Variants in TP63 observed in about 807,000 individuals in gnomAD.
TP63 encodes the protein tumor protein p63, also known as tumor protein 63.
In TP63, 17 loss-of-function variants were observed where a neutral mutation model predicts 82.8. The ratio of observed to expected loss-of-function variants is 0.21; its 90% CI spans 0.14 to 0.31. TP63 has a LOEUF of 0.31. TP63 is among the 10% of genes least tolerant of loss of function. TP63 has a pLI of 1.00. For synonymous variants in TP63, 330 were observed against 321.7 expected, an observed-to-expected ratio of 1.03 and a Z score of -0.28; for missense variants, 648 against 895.3, an observed-to-expected ratio of 0.72 and a Z score of 3.52.
chr3:189,840,359 C>CTTTTTTTTTTTTTTTTTTTTTTTTTT lies in TP63; in HGVS notation c.580-23870_580-23845dup. 1.6e-4 allele frequency among the ~76,000 whole-genome samples: 7 copies of CTTTTTTTTTTTTTTTTTTTTTTTTTT among 44,446 alleles called. 1 individual carries two copies. Among genetic ancestry groups the CTTTTTTTTTTTTTTTTTTTTTTTTTT allele is most frequent in the African/African-American group, 3.2e-4 (3 of 9,334 alleles). 29.2% of individuals were successfully genotyped at this position (44,446 alleles called of 152,430 possible). On this transcript the variant is annotated intron_variant, in intron 4 of 13. Transcript: ENST00000264731. ...GAGTTTTTTCTTTTTTGCTTTTCGT[C>CTTTTTTTTTTTTTTTTTTTTTTTTTT]TTTTTTTTTTTTTTTTTTTTTTTTT...
chr3:189,730,248 A>T (rs1269790736), intron 1 of TP63, among the ~76,000 whole-genome samples: 1 of 152,070 alleles, frequency 6.6e-6, no homozygotes, highest in African/African-American at 2.4e-5. Context: ...CTTTTCTTAT[A>T]TTACCTTTGA....
At chr3:189,861,523 G>A (rs1483304931) in intron 4 of TP63, among the ~76,000 whole-genome samples, 2 of 152,156 alleles carry the variant, frequency 1.3e-5, no homozygotes, top group African/African-American at 4.8e-5. Context: ...TAAAGAGCAA[G>A]ACTGTATCCT....
chr3:189,858,902 A>T (rs1716649837), intron 4 of TP63, among the ~76,000 whole-genome samples: 1 of 152,174 alleles, frequency 6.6e-6, no homozygotes, highest in Admixed American at 6.5e-5. Context: ...ACTCAAATGG[A>T]ATCTAAAAAT....
the TP63 span, among the ~76,000 whole-genome samples, chr3:189,598,006 T>C: frequency 2.6e-5 from 4 of 151,952 alleles, no homozygotes; most frequent in African/African-American, 9.7e-5. Context: ...GACTTAAAAT[T>C]TACAAAAAGT....
intron 1 of TP63, among the ~76,000 whole-genome samples, chr3:189,712,719 C>G (rs58677043): frequency 0.036 from 5,529 of 151,950 alleles, 319 homozygotes; most frequent in African/African-American, 0.12. Flanking sequence ...CAGATCACAG[C>G]AATAAGAAGA....
At chr3:189,838,713 G>A (rs969012931) in intron 4 of TP63, among the ~76,000 whole-genome samples, 11 of 152,088 alleles carry the variant, frequency 7.2e-5, no homozygotes, top group African/African-American at 2.7e-4. Context: ...AAAAAGGAGA[G>A]GAGAGCAAAA....
At chr3:189,862,618 G>A (rs1717179636) in intron 4 of TP63, among the ~76,000 whole-genome samples, 1 of 152,110 alleles carries the variant, frequency 6.6e-6, no homozygotes, top group Non-Finnish European at 1.5e-5. Context: ...CGAAATTCAT[G>A]GTTAGATTAT....
At chr3:189,869,204 G>A (rs1010226377) in intron 8 of TP63, 120 bp from the exon 9 acceptor site, 55 of 814,618 alleles carry the variant, frequency 6.8e-5, no homozygotes, top group Non-Finnish European at 1.0e-4. Flanking sequence ...TGGTACTACT[G>A]TCTTTTTAAT....
chr3:189,896,452 T>C lies in TP63; in HGVS notation c.*1950T>C, dbSNP rs1190011848. ...GAGGGAAGGGAAAGTTTTTTTTTAT[T>C]ATTTTTTTAAAATTTTGTATGTTAA... On this transcript the variant is annotated 3_prime_UTR_variant, in exon 14 of 14. Transcript: ENST00000264731. 5.0e-6 allele frequency: 1 copy of C among 199,630 alleles called. No homozygotes were observed. The highest frequency in any genetic ancestry group is 2.3e-5 in the African/African-American group (1 of 43,428). 12.4% of individuals were successfully genotyped at this position (199,630 alleles called of 1,614,324 possible). A position where few individuals can be genotyped will look rare whatever the true frequency, so the allele number is the denominator to read the frequency against.
At chr3:189,891,167 C>G (rs184426944) in intron 13 of TP63, among the ~76,000 whole-genome samples, 2 of 152,236 alleles carry the variant, frequency 1.3e-5, no homozygotes, top group African/African-American at 4.8e-5. Flanking sequence ...TTCCCGCAAT[C>G]AAAACATTCA....
intron 1 of TP63, among the ~76,000 whole-genome samples, chr3:189,654,744 GT>G (rs1445852396): frequency 3.9e-5 from 6 of 152,186 alleles, no homozygotes; most frequent in African/African-American, 1.4e-4. Flanking sequence ...GAATGACCCA[GT>G]TATGTAGAAA....
rs192900995 is a variant in TP63 at position 189,825,352 on chromosome 3, A to G, written c.579+16826A>G. Among the ~76,000 whole-genome samples, 136 of 152,364 alleles carry G rather than the reference A, an allele frequency of 8.9e-4. 1 individual carries two copies. Among genetic ancestry groups the G allele is most frequent in the African/African-American group, 3.0e-3 (124 of 41,584 alleles). On this transcript the variant is annotated intron_variant, in intron 4 of 13. Transcript: ENST00000264731. ...CAATATTGAGCTAAGTGATATAAAA[A>G]TGGTTATCAATATGAAGTAGATAGA... is the stretch of plus-strand genomic sequence containing the variant.
rs1012088740 is a variant in TP63, at chr3:189,860,337, A to G, written c.580-3895A>G. On this transcript the variant is annotated intron_variant, in intron 4 of 13. Coordinates refer to ENST00000264731, the MANE Select transcript of TP63 (RefSeq NM_003722.5). ...AAATCTTGCTGTAAATCAGATTCCC[A>G]TGTTCCAATCTTGCAGAAGCCGGGA... Among the ~76,000 whole-genome samples, 4 of 152,202 alleles carry G rather than the reference A, an allele frequency of 2.6e-5. No individual in the cohort carries two copies. The South Asian group carries it at 6.2e-4, about 24-fold the overall frequency.
intron 3 of TP63, among the ~76,000 whole-genome samples, chr3:189,755,808 A>G (rs571642150): frequency 1.3e-5 from 2 of 152,326 alleles, no homozygotes; most frequent in South Asian, 2.1e-4. Flanking sequence ...CAATTGGATG[A>G]TACAGTCTCC....
chr3:189,820,556 A>T (rs943889713), intron 4 of TP63, among the ~76,000 whole-genome samples: 10 of 152,178 alleles, frequency 6.6e-5, no homozygotes, highest in Non-Finnish European at 1.5e-5. Context: ...GGGTGGAGAT[A>T]GGGAGAGCAT....
chr3:189,732,062 C>T (rs543424658), intron 1 of TP63, among the ~76,000 whole-genome samples: 42 of 152,252 alleles, frequency 2.8e-4, no homozygotes, highest in Non-Finnish European at 5.3e-4. Flanking sequence ...GAAACAGACA[C>T]TTTCTTTAAC....
chr3:189,894,520 C>G lies in TP63; in HGVS notation c.*18C>G, dbSNP rs1014337262. The stretch of plus-strand genomic sequence containing the variant: ...GGGAGTGAGCCTCACCATGTGAGCT[C>G]TTCCTATCCCTCTCCTAACTGCCAG... On this transcript the variant is annotated 3_prime_UTR_variant, in exon 14 of 14. Transcript: ENST00000264731. 1.9e-6 allele frequency: 3 copies of G among 1,611,516 alleles called. No homozygotes were observed. Among genetic ancestry groups the G allele is most frequent in the East Asian group, 2.2e-5 (1 of 44,856 alleles).
intron 3 of TP63, among the ~76,000 whole-genome samples, chr3:189,779,944 G>A (rs1451749204): frequency 2.6e-5 from 4 of 152,130 alleles, no homozygotes; most frequent in Admixed American, 6.6e-5. Context: ...TTCAGTGTGG[G>A]ATTCATGAAA....
chr3:189,846,682 C>CTTTTTTTTT (rs1204688713), intron 4 of TP63, among the ~76,000 whole-genome samples: 1 of 70,628 alleles, frequency 1.4e-5, no homozygotes, highest in Non-Finnish European at 2.4e-5. Context: ...TTTCCACATT[C>CTTTTTTTTT]TTTTTTTTTT....
Sources: allele counts gnomAD v4.1 joint callset (sites outside exome capture counted in the v4.1 genomes callset), GRCh38; gene constraint gnomAD v4.1.1; transcripts MANE v1.5; gene names NCBI Gene and HGNC (gene_info 2026-07-23, HGNC 2026-07-21).